Variants in RBL1 observed in about 807,000 individuals in gnomAD.
RBL1 encodes RB transcriptional corepressor like 1.
RBL1 carries 82 observed loss-of-function variants against 123.0 expected under a neutral mutation model. The ratio of observed to expected loss-of-function variants is 0.67; its 90% CI spans 0.56 to 0.80. RBL1 has a LOEUF of 0.80. Among genes scored for constraint, RBL1 ranks in the 30% least tolerant of loss-of-function variants. The pLI, the probability that RBL1 is intolerant of heterozygous loss-of-function variation, is 0.00. For missense variants in RBL1, 1,171 were observed against 1,299.6 expected (o/e 0.90, Z 1.52); for synonymous variants, 405 against 441.3 (o/e 0.92, Z 1.03).
chr20:37,035,416 G>T lies in RBL1; in HGVS notation c.1996C>A (p.Pro666Thr). 1 of 1,614,014 alleles carries T rather than the reference G, an allele frequency of 6.2e-7. No individual in the cohort carries two copies. The highest frequency in any genetic ancestry group is 2.2e-5 in the East Asian group (1 of 44,876). ...ATCTTGTCCATAAGCATTTCCTTTG[G>T]GGGGTCCTCTCCAAAGAGTCTTCTC... ...AKRRLFGEDP[P>T]KEMLMDKIIT... The change falls in exon 15 of 22, where the codon CCA becomes ACA. Residue 666 changes from proline to threonine, a missense_variant. Pro to Thr is a conservative substitution (Grantham distance 38). Transcript: ENST00000373664.
intron 18 of RBL1, among the ~76,000 whole-genome samples, chr20:37,020,410 A>G (rs962837361): frequency 1.3e-5 from 2 of 152,164 alleles, no homozygotes; most frequent in Non-Finnish European, 2.9e-5. Context: ...CTTTCATTAA[A>G]TGAACAAATG....
At chr20:37,032,565 AT>A in intron 16 of RBL1, 99 bp downstream of exon 16, 2 of 1,523,944 alleles carry the variant, frequency 1.3e-6, no homozygotes, top group Non-Finnish European at 1.8e-6. Context: ...ATTTTGTGTT[AT>A]GTATATTAGA....
intron 7 of RBL1, among the ~76,000 whole-genome samples, chr20:37,063,700 T>G (rs1204780951): frequency 1.3e-5 from 2 of 151,462 alleles, no homozygotes; most frequent in Admixed American, 6.6e-5. Context: ...TTAGTAGAGA[T>G]GGGGTTTCAC....
chr20:37,066,805 C>T lies in RBL1; in HGVS notation c.765G>A (p.Leu255=), dbSNP rs959403041. 2 of 1,612,814 alleles carry T rather than the reference C, an allele frequency of 1.2e-6. No homozygotes were observed. Among genetic ancestry groups the T allele is most frequent in the African/African-American group, 1.3e-5 (1 of 74,790 alleles). Residue 255 remains leucine, a synonymous_variant, in exon 6 of 22, where the codon CTG becomes CTA. Transcript: ENST00000373664. The stretch of plus-strand genomic sequence containing the variant: ...TTGCTTCTACGAGAAGTCCATCATG[C>T]AGTTCACACAGTACAGCAATGATGC... The part of the protein sequence containing the change: ...PPCIIAVLCE[L]HDGLLVEAKG...
intron 8 of RBL1, among the ~76,000 whole-genome samples, chr20:37,061,744 G>A (rs748947691): frequency 6.6e-6 from 1 of 152,134 alleles, no homozygotes; most frequent in Non-Finnish European, 1.5e-5. Flanking sequence ...TTGTGTCACG[G>A]GTAGGAAAGC....
In RBL1 at chr20:36,998,624, A is replaced by T; in HGVS notation, c.*135T>A. On this transcript the variant is annotated 3_prime_UTR_variant, in exon 22 of 22. Coordinates refer to ENST00000373664, the MANE Select transcript of RBL1 (RefSeq NM_002895.5). Reference sequence around the variant, plus strand: ...ATTTTGGATAAATATTTTAAAAAGCACATAATTTTTGTGCAATTTTTTCTT... The same window carrying T: ...ATTTTGGATAAATATTTTAAAAAGCTCATAATTTTTGTGCAATTTTTTCTT... The T allele has an allele frequency of 4.2e-6, 3 of 717,104 alleles. No individual in the cohort carries two copies. The highest frequency in any genetic ancestry group is 6.5e-6 in the Non-Finnish European group (3 of 459,268). The allele number at this position is 717,104 out of a possible 1,614,324, so 44.4% of individuals were successfully genotyped here.
chr20:37,000,834 C>T (rs2063962791), intron 21 of RBL1, among the ~76,000 whole-genome samples: 1 of 141,442 alleles, frequency 7.1e-6, no homozygotes, highest in East Asian at 2.2e-4. Flanking sequence ...CTCTGCCTGG[C>T]CGCCCCTACT....
At chr20:37,075,971 C>T (rs1036183320) in intron 2 of RBL1, among the ~76,000 whole-genome samples, 5 of 152,174 alleles carry the variant, frequency 3.3e-5, no homozygotes, top group Non-Finnish European at 7.3e-5. Context: ...CTAAAAGTTA[C>T]TAAAGCATGT....
intron 7 of RBL1, among the ~76,000 whole-genome samples, chr20:37,064,863 T>C (rs980817657): frequency 5.3e-5 from 8 of 151,856 alleles, no homozygotes; most frequent in African/African-American, 1.7e-4. Flanking sequence ...TGACCTCAAG[T>C]GATCGGCCCG....
intron 2 of RBL1, among the ~76,000 whole-genome samples, chr20:37,080,842 C>T (rs1282492055): frequency 6.6e-6 from 1 of 152,138 alleles, no homozygotes; most frequent in Non-Finnish European, 1.5e-5. Flanking sequence ...TGAGTGGCCA[C>T]CTAGGCTCTT....
chr20:37,088,708 A>C (rs1466056544), intron 2 of RBL1, among the ~76,000 whole-genome samples: 1 of 151,358 alleles, frequency 6.6e-6, no homozygotes, highest in Non-Finnish European at 1.5e-5. Flanking sequence ...AAAAAAATAC[A>C]AAAAATTAGC....
chr20:37,056,278 C>G lies in RBL1; in HGVS notation c.1251-20G>C. On this transcript the variant is annotated intron_variant, in intron 9 of 21. Transcript: ENST00000373664. ...CAAGATCTACAAAATACAAGAGGAA[C>G]CAATTACCAAACCAAACAAAAACAA... is the stretch of plus-strand genomic sequence containing the variant. 6.3e-7 allele frequency: 1 copy of G among 1,575,642 alleles called. No individual in the cohort carries two copies. The highest frequency in any genetic ancestry group is 8.6e-7 in the Non-Finnish European group (1 of 1,168,182).
chr20:37,003,705 A>G lies in RBL1; in HGVS notation c.3033T>C (p.Ser1011=). The G allele has an allele frequency of 6.2e-7, 1 of 1,606,806 alleles. No individual in the cohort carries two copies. The highest frequency in any genetic ancestry group is 8.5e-7 in the Non-Finnish European group (1 of 1,176,440). The stretch of plus-strand genomic sequence containing the variant: ...ACTTTTAGCCTATTCACCTTACCTT[A>G]GAAGGGCTGCCATTGAACTTGTACA... ...ALLYKFNGSP[S]KSLKDINNMI... Residue 1011 remains serine (S), a synonymous_variant, in exon 21 of 22, where the codon TCT becomes TCC. Transcript: ENST00000373664.
chr20:37,084,616 T>C (rs1259918710), intron 2 of RBL1, among the ~76,000 whole-genome samples: 1 of 152,158 alleles, frequency 6.6e-6, no homozygotes, highest in Non-Finnish European at 1.5e-5. Flanking sequence ...AGGGATCGCT[T>C]GAGCCTGTGA....
chr20:37,025,667 C>T (rs2064407551), intron 16 of RBL1, among the ~76,000 whole-genome samples: 1 of 151,714 alleles, frequency 6.6e-6, no homozygotes, highest in South Asian at 2.1e-4. Context: ...GATATGATAT[C>T]TGGAAGGGAA....
chr20:37,091,670 A>G (rs1426471538), intron 1 of RBL1, among the ~76,000 whole-genome samples: 6 of 151,810 alleles, frequency 4.0e-5, no homozygotes, highest in Non-Finnish European at 8.8e-5. Context: ...TATCTCAAAA[A>G]AAAAAAAAAA....
Position 37,095,773 on chromosome 20 carries a change from C to T in RBL1, c.156G>A (p.Glu52=). 3 of 1,606,670 alleles carry T rather than the reference C, an allele frequency of 1.9e-6. No individual in the cohort carries two copies. Among genetic ancestry groups the T allele is most frequent in the Non-Finnish European group, 2.5e-6 (3 of 1,176,702 alleles). The change falls in exon 1 of 22, where the codon GAG becomes GAA. Residue 52 remains glutamate (E), a splice_region_variant and synonymous_variant. Coordinates refer to ENST00000373664, the MANE Select transcript of RBL1 (RefSeq NM_002895.5). ...GGCCGCCCCACCTGCTGCCGCTCAC[C>T]TCTAGGCTGTAGTTGCCTCGGATGG... is the stretch of plus-strand genomic sequence containing the variant. The part of the protein sequence containing the change: ...FTAIRGNYSL[E]GEVTHWLACS...
intron 16 of RBL1, among the ~76,000 whole-genome samples, chr20:37,029,351 C>G (rs1380753156): frequency 3.3e-5 from 5 of 152,134 alleles, no homozygotes; most frequent in African/African-American, 9.7e-5. Context: ...CCTCTATATA[C>G]ACAGGTTTCA....
In RBL1 at chr20:37,007,416, G is replaced by A; in HGVS notation, c.2866C>T (p.His956Tyr). Residue 956 changes from histidine (H) to tyrosine (Y), a missense_variant, in exon 20 of 22, where the codon CAT (histidine) becomes TAT (tyrosine). His to Tyr is a moderately conservative substitution (Grantham distance 83, BLOSUM62 2). Transcript: ENST00000373664. ...TAGTAAAACATAGAACATACCATAT[G>A]GTCCTGATTCGCCAAGTCGTATTTC... ...ALKYDLANQD[H>Y]MMDAPPLSPF... The A allele has an allele frequency of 6.2e-7, 1 of 1,613,118 alleles. No individual in the cohort carries two copies. Among genetic ancestry groups the A allele is most frequent in the Non-Finnish European group, 8.5e-7 (1 of 1,179,588 alleles).
Sources: gnomAD v4.1 joint callset for allele counts (sites outside exome capture counted in the v4.1 genomes callset) on GRCh38, gnomAD v4.1.1 for gene constraint, MANE v1.5 for transcripts, NCBI Gene and HGNC (gene_info 2026-07-23, HGNC 2026-07-21) for gene names.